Variants in CCDC171 observed in about 807,000 individuals in gnomAD.
The protein encoded by CCDC171 is coiled-coil domain-containing protein 171.
In CCDC171, 177 loss-of-function variants were observed where a neutral mutation model predicts 168.2. The ratio of observed to expected loss-of-function variants is 1.05; its 90% CI spans 0.93 to 1.19. The LOEUF is 1.19. Ranked by LOEUF, CCDC171 falls within the 50% of genes most tolerant of loss-of-function variation. CCDC171 has a pLI of 0.00. For missense variants in CCDC171, 1,991 were observed against 1,539.0 expected (o/e 1.29, Z -4.91); for synonymous variants, 687 against 540.8 (o/e 1.27, Z -3.75).
rs183993786 is a variant in CCDC171 at position 15,905,727 on chromosome 9, T to C, written c.3601-14543T>C. On this transcript the variant is annotated intron_variant, in intron 24 of 25. Coordinates refer to ENST00000380701, the MANE Select transcript of CCDC171 (RefSeq NM_173550.4). ...AAAAACCCTTCAAAAAATCAATGAA[T>C]CCAGGAGCTGGTTTTTTGAAAAGAT... 4.9e-4 allele frequency among the ~76,000 whole-genome samples: 74 copies of C among 152,134 alleles called. No homozygotes were observed. In the Middle Eastern group the frequency reaches 0.01, roughly 21 times the overall value.
At chr9:16,022,822 C>T (rs139315934) in exon 6 of CCDC171, 114 of 152,364 alleles carry the variant, frequency 7.5e-4, no homozygotes, top group African/African-American at 2.5e-3. Context: ...CCAGCCGAGT[C>T]ATTTGTCTGC....
At chr9:15,642,305 A>G (rs1260176378) in intron 7 of CCDC171, among the ~76,000 whole-genome samples, 2 of 134,848 alleles carry the variant, frequency 1.5e-5, no homozygotes, top group Non-Finnish European at 1.6e-5. Flanking sequence ...ATATACACAT[A>G]TGTATACACG....
At chr9:15,606,730 G>T (rs947931060) in intron 6 of CCDC171, among the ~76,000 whole-genome samples, 1 of 152,166 alleles carries the variant, frequency 6.6e-6, no homozygotes, top group Non-Finnish European at 1.5e-5. Context: ...GTTTCTGGAA[G>T]ATGTGGAAAG....
chr9:16,101,222 A>G, the CCDC171 span, among the ~76,000 whole-genome samples: 1 of 152,224 alleles, frequency 6.6e-6, no homozygotes, highest in African/African-American at 2.4e-5. Flanking sequence ...CTCTCCACCT[A>G]GGGTGGCCAG....
At chr9:15,732,964 A>G (rs549034745) in intron 16 of CCDC171, among the ~76,000 whole-genome samples, 151 of 152,314 alleles carry the variant, frequency 9.9e-4, no homozygotes, top group South Asian at 1.9e-3. Flanking sequence ...ACCTGTGCCA[A>G]CATATGACTT....
At chr9:15,773,372 A>G (rs528791536) in intron 18 of CCDC171, among the ~76,000 whole-genome samples, 17 of 152,308 alleles carry the variant, frequency 1.1e-4, no homozygotes, top group Admixed American at 3.3e-4. Context: ...TCCCCACCTC[A>G]TCAAGATCTG....
chr9:15,813,616 GTGTGTGTA>G (rs2059445705), intron 21 of CCDC171, among the ~76,000 whole-genome samples: 2 of 151,704 alleles, frequency 1.3e-5, no homozygotes, highest in Admixed American at 6.6e-5. Flanking sequence ...TTGTGTGTGT[GTGTGTGTA>G]TATATATATA....
chr9:15,893,868 G>A (rs559486750), intron 24 of CCDC171, among the ~76,000 whole-genome samples: 4 of 152,236 alleles, frequency 2.6e-5, no homozygotes, highest in African/African-American at 9.6e-5. Flanking sequence ...ACAGCATGGC[G>A]ATTCCTCAAA....
intron 7 of CCDC171, among the ~76,000 whole-genome samples, chr9:15,644,026 T>G (rs1427817823): frequency 1.3e-5 from 2 of 152,170 alleles, no homozygotes; most frequent in Admixed American, 6.5e-5. Context: ...TAAAAAATGG[T>G]GCTATAAACT....
intron 7 of CCDC171, among the ~76,000 whole-genome samples, chr9:15,637,378 C>G (rs1423293073): frequency 6.6e-6 from 1 of 151,762 alleles, no homozygotes; most frequent in Non-Finnish European, 1.5e-5. Context: ...ACTTAATTTC[C>G]TCAATATCTG....
chr9:15,925,960 T>C (rs1033100085), intron 25 of CCDC171, among the ~76,000 whole-genome samples: 3 of 151,670 alleles, frequency 2.0e-5, no homozygotes, highest in African/African-American at 7.2e-5. Context: ...TAAGTGGACA[T>C]TATTTGAGGT....
chr9:15,601,290 T>C (rs1777263998), intron 6 of CCDC171, among the ~76,000 whole-genome samples: 1 of 152,150 alleles, frequency 6.6e-6, no homozygotes, highest in African/African-American at 2.4e-5. Flanking sequence ...AGCCACTTCA[T>C]TTTTTTGAGA....
chr9:15,552,924 C>T (rs924751644), upstream of CCDC171, among the ~76,000 whole-genome samples: 3 of 151,054 alleles, frequency 2.0e-5, no homozygotes, highest in Non-Finnish European at 4.4e-5. Flanking sequence ...CGCTGCTTGG[C>T]GGGCGGGCTC....
chr9:15,575,157 C>CTTT (rs57272096), intron 3 of CCDC171, among the ~76,000 whole-genome samples: 3 of 86,908 alleles, frequency 3.5e-5, no homozygotes, highest in South Asian at 9.7e-4. Flanking sequence ...GACATAACTA[C>CTTT]TTTTTTTTTT....
chr9:15,612,422 C>T (rs967754269), intron 6 of CCDC171, among the ~76,000 whole-genome samples: 8 of 152,100 alleles, frequency 5.3e-5, no homozygotes, highest in African/African-American at 1.9e-4. Context: ...TTTTTACTTT[C>T]ATTTAAGTGG....
intron 8 of CCDC171, among the ~76,000 whole-genome samples, chr9:15,664,077 A>AG (rs1030360106): frequency 2.0e-5 from 3 of 152,072 alleles, no homozygotes; most frequent in Admixed American, 6.5e-5. Context: ...ATGGACATAG[A>AG]GTGTAGATTA....
At chr9:15,798,026 C>G (rs888835095) in intron 21 of CCDC171, among the ~76,000 whole-genome samples, 2 of 152,112 alleles carry the variant, frequency 1.3e-5, no homozygotes, top group African/African-American at 4.8e-5. Flanking sequence ...GCTAATTCCA[C>G]ATTGTTTTAA....
chr9:16,088,431 T>A, the CCDC171 span, among the ~76,000 whole-genome samples: 19 of 152,334 alleles, frequency 1.2e-4, no homozygotes, highest in African/African-American at 4.6e-4. Context: ...AGTCAGATTA[T>A]CTCTGTTTGC....
intron 10 of CCDC171, among the ~76,000 whole-genome samples, chr9:15,683,911 G>A (rs900057597): frequency 3.9e-5 from 6 of 151,994 alleles, no homozygotes; most frequent in African/African-American, 1.4e-4. Flanking sequence ...AGTAAAGAAG[G>A]GTAACATTTC....
Sources: gnomAD v4.1 joint callset for allele counts (sites outside exome capture counted in the v4.1 genomes callset) on GRCh38, gnomAD v4.1.1 for gene constraint, MANE v1.5 for transcripts, NCBI Gene and HGNC (gene_info 2026-07-23, HGNC 2026-07-21) for gene names.